MCTP1: variants seen among roughly 807,000 people sequenced by gnomAD.
MCTP1 encodes the protein multiple C2 and transmembrane domain-containing protein 1.
A neutral mutation model predicts 120.6 loss-of-function variants in MCTP1; 69 were observed. The observed-to-expected ratio is 0.57, with a 90% confidence interval of 0.47 to 0.70. The LOEUF (loss-of-function observed/expected upper bound fraction) is 0.70, where lower values mean the gene tolerates loss of function less well. Among genes scored for constraint, MCTP1 ranks in the 30% least tolerant of loss-of-function variants. The pLI, the probability that MCTP1 is intolerant of heterozygous loss-of-function variation, is 0.00. For missense variants in MCTP1, 1,203 were observed against 1,248.8 expected (o/e 0.96, Z 0.55); for synonymous variants, 529 against 493.1 (o/e 1.07, Z -0.96).
At chr5:94,955,073 T>G (rs1822206231) in intron 2 of MCTP1, among the ~76,000 whole-genome samples, 1 of 152,092 alleles carries the variant, frequency 6.6e-6, no homozygotes, top group Admixed American at 6.6e-5. Context: ...CTGGTACATC[T>G]CAGTGGGACT....
At chr5:95,101,432 A>G (rs570066597) in intron 1 of MCTP1, among the ~76,000 whole-genome samples, 2 of 152,342 alleles carry the variant, frequency 1.3e-5, no homozygotes, top group East Asian at 1.9e-4. Context: ...GTATGTACAT[A>G]GAGCCTCTAC....
chr5:95,156,820 T>G (rs764044525), intron 1 of MCTP1, among the ~76,000 whole-genome samples: 3 of 152,206 alleles, frequency 2.0e-5, no homozygotes, highest in Non-Finnish European at 4.4e-5. Context: ...TCAACTAAAG[T>G]CACAAACCAA....
intron 11 of MCTP1, among the ~76,000 whole-genome samples, chr5:94,891,298 AG>A (rs1358393070): frequency 5.3e-5 from 8 of 152,216 alleles, no homozygotes; most frequent in Admixed American, 3.9e-4. Flanking sequence ...CTGTAAATGA[AG>A]GGTTTCACTG....
chr5:95,053,424 G>C (rs1176421848), intron 1 of MCTP1, among the ~76,000 whole-genome samples: 2 of 152,166 alleles, frequency 1.3e-5, no homozygotes, highest in African/African-American at 4.8e-5. Flanking sequence ...TAGCGGGGAG[G>C]AGTGTGAGCA....
chr5:95,218,992 CTG>C (rs1487087532), intron 1 of MCTP1, among the ~76,000 whole-genome samples: 2 of 152,166 alleles, frequency 1.3e-5, no homozygotes, highest in Non-Finnish European at 2.9e-5. Flanking sequence ...CAATGCATGA[CTG>C]TACTTCATCT....
At chr5:94,858,070 A>C (rs1462001033) in intron 17 of MCTP1, among the ~76,000 whole-genome samples, 1 of 151,760 alleles carries the variant, frequency 6.6e-6, no homozygotes, top group Non-Finnish European at 1.5e-5. Flanking sequence ...AATTTAGGCC[A>C]CGGACAGGTT....
chr5:95,173,981 A>C (rs1291721965), intron 1 of MCTP1, among the ~76,000 whole-genome samples: 2 of 152,202 alleles, frequency 1.3e-5, no homozygotes. Flanking sequence ...GAAATATTTC[A>C]GAAAATAATA....
At chr5:95,067,221 G>T (rs964258322) in intron 1 of MCTP1, among the ~76,000 whole-genome samples, 2 of 152,142 alleles carry the variant, frequency 1.3e-5, no homozygotes, top group Non-Finnish European at 2.9e-5. Flanking sequence ...CTATTGCACA[G>T]CAGGGTGAGT....
intron 1 of MCTP1, among the ~76,000 whole-genome samples, chr5:95,264,735 T>C (rs1758745947): frequency 6.6e-6 from 1 of 152,140 alleles, no homozygotes; most frequent in Non-Finnish European, 1.5e-5. Flanking sequence ...TCACTCCCAA[T>C]GTCACTCACT....
intron 19 of MCTP1, among the ~76,000 whole-genome samples, chr5:94,720,630 A>C (rs1044215468): frequency 6.6e-6 from 1 of 152,212 alleles, no homozygotes; most frequent in African/African-American, 2.4e-5. Context: ...ATGCATGAAA[A>C]TATTCCAGTA....
intron 19 of MCTP1, among the ~76,000 whole-genome samples, chr5:94,755,513 A>G (rs192134211): frequency 3.4e-4 from 52 of 151,894 alleles, no homozygotes; most frequent in African/African-American, 1.1e-3. Flanking sequence ...CACTAGGGAA[A>G]CTCCGAGGAC....
intron 2 of MCTP1, 43 bp from the exon 3 acceptor site, chr5:94,953,404 T>C (rs746636710): frequency 6.8e-7 from 1 of 1,478,460 alleles, no homozygotes; most frequent in South Asian, 1.4e-5. Flanking sequence ...ATGACTTGGT[T>C]TGGAAGCAAG....
intron 1 of MCTP1, among the ~76,000 whole-genome samples, chr5:95,266,944 TC>T (rs1758929919): frequency 1.3e-5 from 2 of 152,246 alleles, no homozygotes; most frequent in South Asian, 4.1e-4. Context: ...GACATTGCCT[TC>T]TTTTCCCTCC....
At chr5:95,172,676 T>C (rs1747474580) in intron 1 of MCTP1, among the ~76,000 whole-genome samples, 1 of 152,168 alleles carries the variant, frequency 6.6e-6, no homozygotes, top group African/African-American at 2.4e-5. Context: ...CTTTTATCAG[T>C]GGTGTCTGGT....
intron 1 of MCTP1, among the ~76,000 whole-genome samples, chr5:95,125,218 T>C (rs73776197): frequency 0.014 from 2,197 of 152,320 alleles, 51 homozygotes; most frequent in African/African-American, 0.047. Flanking sequence ...ATTTGTTTAA[T>C]TGATGTTAGT....
chr5:94,877,173 T>C (rs1799067549), intron 12 of MCTP1, among the ~76,000 whole-genome samples: 1 of 152,092 alleles, frequency 6.6e-6, no homozygotes, highest in Non-Finnish European at 1.5e-5. Flanking sequence ...TCACAGTGCT[T>C]TTAAAAGTGA....
At chr5:95,227,140 C>A (rs955111688) in intron 1 of MCTP1, among the ~76,000 whole-genome samples, 1 of 152,180 alleles carries the variant, frequency 6.6e-6, no homozygotes, top group East Asian at 1.9e-4. Context: ...GAACCTGACA[C>A]TTTAAATCCT....
In MCTP1 at chr5:95,188,666, C is replaced by A. The variant is rs1030426510; in HGVS notation, c.720+95190G>T. Among the ~76,000 whole-genome samples the A allele has an allele frequency of 3.3e-5, 5 of 152,234 alleles. No homozygotes were observed. The South Asian group carries it at 1.0e-3, about 32-fold the overall frequency. On this transcript the variant is annotated intron_variant, in intron 1 of 22. Transcript: ENST00000515393. ...TTATAGAGATGGAGAATATATTACTCATTTCCAGGGGTTGGGGATGGAGGA... is the reference window on the plus strand; with the variant it reads ...TTATAGAGATGGAGAATATATTACTAATTTCCAGGGGTTGGGGATGGAGGA...
chr5:94,871,184 A>C, intron 14 of MCTP1, 131 bp downstream of exon 14: 1 of 703,022 alleles, frequency 1.4e-6, no homozygotes, highest in Admixed American at 2.7e-5. Context: ...AGTATGTTAA[A>C]ATTTTTAGTG....
Sources: allele counts gnomAD v4.1 joint callset (sites outside exome capture counted in the v4.1 genomes callset), GRCh38; gene constraint gnomAD v4.1.1; transcripts MANE v1.5; gene names NCBI Gene and HGNC (gene_info 2026-07-23, HGNC 2026-07-21).